The following TRAPPC9 variants were observed in gnomAD, a reference collection of about 807,000 sequenced individuals.
TRAPPC9 encodes trafficking protein particle complex subunit 9.
TRAPPC9 carries 83 observed loss-of-function variants against 124.0 expected under a neutral mutation model. The ratio of observed to expected loss-of-function variants is 0.67; its 90% confidence interval spans 0.56 to 0.80. The LOEUF is 0.80. TRAPPC9 is among the 30% of genes least tolerant of loss of function. The pLI is 0.00. For synonymous variants in TRAPPC9, 638 were observed against 617.5 expected, an observed-to-expected ratio of 1.03 and a Z score of -0.49; for missense variants, 1,302 against 1,508.3, an observed-to-expected ratio of 0.86 and a Z score of 2.27.
intron 20 of TRAPPC9, among the ~76,000 whole-genome samples, chr8:139,898,666 G>A (rs552664374): frequency 3.3e-5 from 5 of 152,196 alleles, no homozygotes; most frequent in East Asian, 1.9e-4. Context: ...CTTCATACCC[G>A]CCACATGTGA....
At chr8:139,925,684 G>A (rs1832766166) in intron 19 of TRAPPC9, among the ~76,000 whole-genome samples, 1 of 151,560 alleles carries the variant, frequency 6.6e-6, no homozygotes, top group South Asian at 2.1e-4. Flanking sequence ...GGAGGCAGAG[G>A]TTGCAGTGAG....
In TRAPPC9 at chr8:140,081,452, T is replaced by C. The variant is rs572191534; in HGVS notation, c.2557-57373A>G. On this transcript the variant is annotated intron_variant, in intron 17 of 22. Coordinates refer to ENST00000438773, the MANE Select transcript of TRAPPC9 (RefSeq NM_001160372.4). ...CCTCCGCCTCCCAGGTTCAAGCAAT[T>C]CTCGTACCTCAGCCTCCTAAGTAGC... is the stretch of plus-strand genomic sequence containing the variant. 2.6e-5 allele frequency among the ~76,000 whole-genome samples: 4 copies of C among 151,280 alleles called. No homozygotes were observed. In the South Asian group the frequency reaches 8.4e-4, roughly 32 times the overall value.
chr8:140,078,682 T>G (rs77507797), intron 17 of TRAPPC9, among the ~76,000 whole-genome samples: 3,321 of 152,164 alleles, frequency 0.022, 112 homozygotes, highest in African/African-American at 0.073. Context: ...TGAGAATGTG[T>G]CATCTTCTGA....
intron 21 of TRAPPC9, among the ~76,000 whole-genome samples, chr8:139,799,224 T>C (rs916442520): frequency 3.3e-5 from 5 of 152,130 alleles, no homozygotes; most frequent in African/African-American, 9.7e-5. Context: ...CATTTTTTTT[T>C]TCTAATAGCA....
intron 5 of TRAPPC9, among the ~76,000 whole-genome samples, chr8:140,412,719 A>G (rs960628974): frequency 6.6e-6 from 1 of 152,218 alleles, no homozygotes; most frequent in African/African-American, 2.4e-5. Flanking sequence ...CTCTTTTATA[A>G]GATTTATAAG....
intron 19 of TRAPPC9, among the ~76,000 whole-genome samples, chr8:139,934,945 C>T (rs867803889): frequency 5.3e-5 from 8 of 152,168 alleles, no homozygotes; most frequent in Non-Finnish European, 1.0e-4. Context: ...GCCAGGACAC[C>T]TGCTTCCCAG....
chr8:139,861,123 A>G (rs1295084122), intron 21 of TRAPPC9, among the ~76,000 whole-genome samples: 1 of 152,270 alleles, frequency 6.6e-6, no homozygotes, highest in African/African-American at 2.4e-5. Flanking sequence ...GCAAAGAAAT[A>G]GCACTCGAAC....
At chr8:140,430,306 A>C (rs762158098) in intron 4 of TRAPPC9, among the ~76,000 whole-genome samples, 1 of 152,214 alleles carries the variant, frequency 6.6e-6, no homozygotes, top group Non-Finnish European at 1.5e-5. Context: ...CTGAGGGGGA[A>C]GATGGCACTT....
chr8:140,046,394 C>T (rs1289352764), intron 17 of TRAPPC9, among the ~76,000 whole-genome samples: 3 of 152,384 alleles, frequency 2.0e-5, no homozygotes, highest in South Asian at 2.1e-4. Context: ...ATGGACAGGG[C>T]GGGCAGGCCA....
At chr8:140,086,368 G>A (rs972611936) in intron 17 of TRAPPC9, among the ~76,000 whole-genome samples, 7 of 152,128 alleles carry the variant, frequency 4.6e-5, no homozygotes, top group African/African-American at 1.7e-4. Context: ...GAGCAGGTGA[G>A]GCAGTCGGTT....
chr8:140,054,881 T>C (rs1027419415), intron 17 of TRAPPC9, among the ~76,000 whole-genome samples: 1 of 151,552 alleles, frequency 6.6e-6, no homozygotes, highest in Non-Finnish European at 1.5e-5. Flanking sequence ...GAATCACAAC[T>C]AGTAAGATGA....
intron 5 of TRAPPC9, among the ~76,000 whole-genome samples, chr8:140,409,785 A>T (rs1211472110): frequency 2.6e-5 from 4 of 152,242 alleles, no homozygotes; most frequent in Non-Finnish European, 5.9e-5. Flanking sequence ...TATTTAAAAA[A>T]TAAGAAGAAG....
chr8:140,060,714 G>T (rs952823752), intron 17 of TRAPPC9, among the ~76,000 whole-genome samples: 4 of 151,924 alleles, frequency 2.6e-5, no homozygotes, highest in Non-Finnish European at 4.4e-5. Flanking sequence ...GTTTATTTCT[G>T]GGGGGAGGAA....
chr8:140,008,524 A>G (rs951534604), intron 18 of TRAPPC9: 2 of 152,296 alleles, frequency 1.3e-5, no homozygotes, highest in African/African-American at 4.8e-5. Context: ...CACTGATGGC[A>G]GCGTCCAGAG....
chr8:140,216,242 G>A lies in TRAPPC9; in HGVS notation c.2556+5217C>T, dbSNP rs1392145613. Among the ~76,000 whole-genome samples, 2 of 152,084 alleles carry A rather than the reference G, an allele frequency of 1.3e-5. No homozygotes were observed. The highest frequency in any genetic ancestry group is 3.8e-4 in the East Asian group (2 of 5,196). On this transcript the variant is annotated intron_variant, in intron 17 of 22. Coordinates refer to ENST00000438773, the MANE Select transcript of TRAPPC9 (RefSeq NM_001160372.4). The surrounding 1 kb of genome is among the most constrained non-coding windows in gnomAD (Gnocchi z 4.1). ...AGTGCCTGATATGCAAGAGTTCCTCGGTAAACGGTAATGATATTTTAATCA... is the reference window on the plus strand; with the variant it reads ...AGTGCCTGATATGCAAGAGTTCCTCAGTAAACGGTAATGATATTTTAATCA...
At chr8:140,229,829 G>T (rs1587972818) in intron 16 of TRAPPC9, among the ~76,000 whole-genome samples, 1 of 151,810 alleles carries the variant, frequency 6.6e-6, no homozygotes. Context: ...AAGTGCTGGG[G>T]TTACAGGTGT....
intron 12 of TRAPPC9, among the ~76,000 whole-genome samples, chr8:140,290,059 G>C (rs2065603708): frequency 6.6e-6 from 1 of 152,130 alleles, no homozygotes; most frequent in Non-Finnish European, 1.5e-5. Context: ...TGACTCTCCA[G>C]GGCCAGGCAG....
chr8:140,339,703 AC>A (rs1040973247), intron 9 of TRAPPC9, among the ~76,000 whole-genome samples: 1 of 151,990 alleles, frequency 6.6e-6, no homozygotes, highest in African/African-American at 2.4e-5. Context: ...TGCGTATGAA[AC>A]CCTACCACTT....
chr8:139,922,236 G>A (rs1832559266), intron 19 of TRAPPC9, among the ~76,000 whole-genome samples: 1 of 151,598 alleles, frequency 6.6e-6, no homozygotes, highest in African/African-American at 2.4e-5. Context: ...TAGTACAGTG[G>A]CACACTCTCG....
Sources: allele counts gnomAD v4.1 joint callset (sites outside exome capture counted in the v4.1 genomes callset), GRCh38; gene constraint gnomAD v4.1.1; non-coding constraint Gnocchi (gnomAD v3.1); transcripts MANE v1.5; gene names NCBI Gene and HGNC (gene_info 2026-07-23, HGNC 2026-07-21).